NSUN4: variants seen among roughly 807,000 people sequenced by gnomAD.
NSUN4 encodes the protein NOP2/Sun RNA methyltransferase 4.
Under a neutral mutation model 43.8 loss-of-function variants are expected in NSUN4, and 31 were observed. That is an observed-to-expected ratio of 0.71 (90% CI 0.53 to 0.96). NSUN4 has a LOEUF of 0.96. Ranked by LOEUF, NSUN4 falls within the 40% of genes least tolerant of loss-of-function variation. The pLI is 0.00. For missense variants in NSUN4, 439 were observed against 475.6 expected, an observed-to-expected ratio of 0.92 and a Z score of 0.72; for synonymous variants, 167 against 184.1, an observed-to-expected ratio of 0.91 and a Z score of 0.75.
intron 1 of NSUN4, chr1:46,341,289 C>G (rs1662084696): frequency 9.8e-7 from 1 of 1,024,558 alleles, no homozygotes; most frequent in Non-Finnish European, 1.2e-6. Flanking sequence ...ATTCTTCCCC[C>G]ACATGACTTC....
chr1:46,340,945 G>A (rs1436062006), intron 1 of NSUN4, 26 bp downstream of exon 1: 5 of 1,587,610 alleles, frequency 3.1e-6, no homozygotes, highest in Non-Finnish European at 4.3e-6. Context: ...GGGCGCAGGA[G>A]GGAAAAGTGA....
chr1:46,345,304 T>TA, intron 2 of NSUN4, 160 bp downstream of exon 2: 1 of 574,518 alleles, frequency 1.7e-6, no homozygotes, highest in Non-Finnish European at 3.1e-6. Context: ...GTACATATGT[T>TA]ATCTCTTTTT....
chr1:46,366,381 A>G (rs1312006095), downstream of NSUN4, among the ~76,000 whole-genome samples: 1 of 152,200 alleles, frequency 6.6e-6, no homozygotes, highest in African/African-American at 2.4e-5. Context: ...ATAAAGTTAG[A>G]TTATTGTTAA....
At chr1:46,380,983 A>G in the NSUN4 span, among the ~76,000 whole-genome samples, 1 of 152,158 alleles carries the variant, frequency 6.6e-6, no homozygotes, top group Non-Finnish European at 1.5e-5. Context: ...GTGGGGGGAT[A>G]CTATTATTAC....
the NSUN4 span, among the ~76,000 whole-genome samples, chr1:46,375,693 T>C: frequency 1.6e-5 from 2 of 127,534 alleles, no homozygotes; most frequent in African/African-American, 6.2e-5. Context: ...GCTGAAATCA[T>C]GCCACTGCAC....
chr1:46,371,813 G>T, the NSUN4 span, among the ~76,000 whole-genome samples: 1 of 152,108 alleles, frequency 6.6e-6, no homozygotes, highest in South Asian at 2.1e-4. Flanking sequence ...GCAAGCAAGT[G>T]GGGGTGGAGG....
chr1:46,369,606 G>C (rs944017909), downstream of NSUN4, among the ~76,000 whole-genome samples: 3 of 152,214 alleles, frequency 2.0e-5, no homozygotes, highest in Admixed American at 6.5e-5. Flanking sequence ...TGAAGATAAA[G>C]AGGAGTTAAA....
chr1:46,343,677 C>T (rs912465875), intron 1 of NSUN4: 18 of 399,822 alleles, frequency 4.5e-5, no homozygotes, highest in Non-Finnish European at 5.7e-5. Flanking sequence ...AAGCTGGGGC[C>T]GGAGCAGTAA....
the NSUN4 span, among the ~76,000 whole-genome samples, chr1:46,373,408 G>A: frequency 6.6e-6 from 1 of 152,236 alleles, no homozygotes; most frequent in Non-Finnish European, 1.5e-5. Context: ...GTGACTACCT[G>A]AAGCTGGTTA....
In NSUN4 at chr1:46,361,923, T is replaced by A; in HGVS notation, c.*77T>A. On this transcript the variant is annotated 3_prime_UTR_variant, in exon 6 of 6. Coordinates refer to ENST00000474844, the MANE Select transcript of NSUN4 (RefSeq NM_199044.4). ...ACCAGAAACTGGAAACTGGGACCAG[T>A]GGCAGAGATGCACTCTCGGTCCTGT... is the stretch of plus-strand genomic sequence containing the variant. 7.7e-7 allele frequency: 1 copy of A among 1,304,336 alleles called. No individual in the cohort carries two copies. Among genetic ancestry groups the A allele is most frequent in the Non-Finnish European group, 1.1e-6 (1 of 940,262 alleles). The allele number at this position is 1,304,336 out of a possible 1,614,324, so 80.8% of individuals were successfully genotyped here.
Position 46,340,891 on chromosome 1 carries a change from C to G in NSUN4, c.65C>G (p.Pro22Arg), listed in dbSNP as rs369068675. Residue 22 changes from proline to arginine, a missense_variant, in exon 1 of 6, where the codon CCG becomes CGG. Transcript: ENST00000474844. The part of the protein sequence containing the change: ...LLKRVDLATV[P>R]RRHRYKKKWA... ...AAGCGTGTGGACCTCGCGACGGTCC[C>G]GCGGAGACATCGATATAAGAAGAAA... is the stretch of plus-strand genomic sequence containing the variant. 4.3e-5 allele frequency: 69 copies of G among 1,613,234 alleles called. No homozygotes were observed. The highest frequency in any genetic ancestry group is 5.1e-5 in the Non-Finnish European group (60 of 1,179,706).
At chr1:46,341,736 C>T (rs1662121841) in intron 1 of NSUN4, 1 of 1,231,596 alleles carries the variant, frequency 8.1e-7, no homozygotes, top group Non-Finnish European at 1.0e-6. Context: ...CTAGCCCTGC[C>T]ACTCGGGTTC....
rs1240539714 is a variant in NSUN4, at chr1:46,360,228, C to CAAAAAAA, written c.754-460_754-454dup. ...TGGGCGACAGAGCAAGACTCCATCT[C>CAAAAAAA]AAAAAAAAAAAAAAAAAAAAAATAT... On this transcript the variant is annotated intron_variant, in intron 4 of 5. Transcript: ENST00000474844. Among the ~76,000 whole-genome samples the CAAAAAAA allele has an allele frequency of 3.2e-3, 112 of 34,992 alleles. 3 individuals carry two copies. The highest frequency in any genetic ancestry group is 4.6e-3 in the Non-Finnish European group (97 of 21,058). 23.0% of individuals were successfully genotyped at this position (34,992 alleles called of 152,430 possible). A position where few individuals can be genotyped will look rare whatever the true frequency, so the allele number is the denominator to read the frequency against.
At chr1:46,349,955 C>G (rs77167536) in intron 3 of NSUN4, among the ~76,000 whole-genome samples, 1,570 of 152,308 alleles carry the variant, frequency 0.01, 31 homozygotes, top group African/African-American at 0.036. Context: ...GCTTAACTAT[C>G]AGCACCTCAC....
At chr1:46,371,135 A>ATTT in the NSUN4 span, among the ~76,000 whole-genome samples, 8 of 131,130 alleles carry the variant, frequency 6.1e-5, no homozygotes, top group Middle Eastern at 4.0e-3. Flanking sequence ...TGCCACCTTG[A>ATTT]TTTTTTTTTT....
At chr1:46,351,743 C>T (rs532933968) in intron 3 of NSUN4, among the ~76,000 whole-genome samples, 2 of 144,798 alleles carry the variant, frequency 1.4e-5, no homozygotes, top group Admixed American at 1.4e-4. Context: ...CGGCTCACTG[C>T]AAGCTCTGCC....
chr1:46,342,762 C>G, intron 1 of NSUN4: 1 of 399,334 alleles, frequency 2.5e-6, no homozygotes, highest in East Asian at 3.6e-5. Context: ...ACCGAAGTCC[C>G]CTAAGTCCCC....
intron 2 of NSUN4, among the ~76,000 whole-genome samples, chr1:46,346,170 A>AT (rs398039949): frequency 6.7e-6 from 1 of 150,104 alleles, no homozygotes; most frequent in Non-Finnish European, 1.5e-5. Context: ...AAAAAAAAAA[A>AT]TTATCTACCA....
chr1:46,369,315 A>G (rs1664201366), downstream of NSUN4, among the ~76,000 whole-genome samples: 1 of 152,176 alleles, frequency 6.6e-6, no homozygotes. Flanking sequence ...CCAAGTACCA[A>G]CATGCTTAGT....
Sources: gnomAD v4.1 joint callset for allele counts (sites outside exome capture counted in the v4.1 genomes callset) on GRCh38, gnomAD v4.1.1 for gene constraint, MANE v1.5 for transcripts, NCBI Gene and HGNC (gene_info 2026-07-23, HGNC 2026-07-21) for gene names.